CEP112: variants seen among roughly 807,000 people sequenced by gnomAD.
CEP112 encodes the protein centrosomal protein 112.
In CEP112, 127 loss-of-function variants were observed where a neutral mutation model predicts 153.0. That is an observed-to-expected ratio of 0.83 (90% CI 0.72 to 0.96). CEP112 has a LOEUF of 0.96. CEP112 is among the 40% of genes least tolerant of loss of function. The probability of loss-of-function intolerance (pLI) is 0.00; values close to 1 mark genes in which losing one functional copy is unlikely to be tolerated. For synonymous variants in CEP112, 358 were observed against 374.4 expected, an observed-to-expected ratio of 0.96 and a Z score of 0.51; for missense variants, 1,089 against 1,101.2, an observed-to-expected ratio of 0.99 and a Z score of 0.16.
At chr17:66,023,793 G>C (rs1345354855) in intron 16 of CEP112, among the ~76,000 whole-genome samples, 1 of 152,082 alleles carries the variant, frequency 6.6e-6, no homozygotes, top group Non-Finnish European at 1.5e-5. Context: ...ATGAATATTA[G>C]CCTTGAATGC....
intron 19 of CEP112, among the ~76,000 whole-genome samples, chr17:65,909,742 A>C (rs1219885209): frequency 6.6e-6 from 1 of 152,172 alleles, no homozygotes; most frequent in Non-Finnish European, 1.5e-5. Flanking sequence ...AAGAATAATA[A>C]CTTGGCCACA....
intron 20 of CEP112, among the ~76,000 whole-genome samples, chr17:65,898,677 A>G (rs2059740778): frequency 6.6e-6 from 1 of 152,154 alleles, no homozygotes; most frequent in Admixed American, 6.6e-5. Context: ...TAAATTCAAT[A>G]TATTTTTCAG....
chr17:65,776,157 T>C lies in CEP112; in HGVS notation c.2395-25433A>G, dbSNP rs552306584. Among the ~76,000 whole-genome samples, 6 of 152,342 alleles carry C rather than the reference T, an allele frequency of 3.9e-5. No individual in the cohort carries two copies. The East Asian group carries it at 1.2e-3, about 29-fold the overall frequency. ...AAAGGACCTCCCACCTCCATCTCTA[T>C]GCCACCCCAAACCCTGTACAAGATC... On this transcript the variant is annotated intron_variant, in intron 21 of 26. Coordinates refer to ENST00000535342, the MANE Select transcript of CEP112 (RefSeq NM_001199165.4).
chr17:65,708,964 T>C (rs932141902), intron 23 of CEP112, among the ~76,000 whole-genome samples: 2 of 152,084 alleles, frequency 1.3e-5, no homozygotes, highest in Non-Finnish European at 2.9e-5. Flanking sequence ...CTCCTACTTG[T>C]TATATTCTGT....
At chr17:66,007,345 A>G (rs10735143) in intron 16 of CEP112, among the ~76,000 whole-genome samples, 62,484 of 152,020 alleles carry the variant, frequency 0.41, 14,314 homozygotes, top group East Asian at 0.87. Context: ...AAGAGAAAGA[A>G]CAACTTGCCT....
At chr17:65,986,250 C>T (rs1487256912) in intron 17 of CEP112, among the ~76,000 whole-genome samples, 1 of 152,070 alleles carries the variant, frequency 6.6e-6, no homozygotes, top group Non-Finnish European at 1.5e-5. Flanking sequence ...TGGGCAGAAT[C>T]TCCAACAACT....
chr17:65,747,630 G>A (rs1253492353), intron 22 of CEP112, among the ~76,000 whole-genome samples: 2 of 152,142 alleles, frequency 1.3e-5, no homozygotes, highest in South Asian at 2.1e-4. Context: ...TGCAGTGTAT[G>A]CATCGTCTCC....
intron 20 of CEP112, among the ~76,000 whole-genome samples, chr17:65,854,945 G>A (rs1278255659): frequency 2.0e-5 from 3 of 152,072 alleles, no homozygotes; most frequent in African/African-American, 7.2e-5. Context: ...TGTTTGGGAG[G>A]CAGAACATTC....
rs1430961984 is a variant in CEP112 at position 66,033,994 on chromosome 17, A to T, written c.1219-3971T>A. On this transcript the variant is annotated intron_variant, in intron 12 of 26. Transcript: ENST00000535342. ...AAATACAATATTCACAGGATGTGAG[A>T]CCCACTTACATGAAGGGTCCGCTTT... Among the ~76,000 whole-genome samples the T allele has an allele frequency of 2.0e-5, 3 of 152,250 alleles. No homozygotes were observed. In the South Asian group the frequency reaches 6.2e-4, roughly 32 times the overall value.
At chr17:65,957,454 C>T (rs1054983710) in intron 18 of CEP112, among the ~76,000 whole-genome samples, 3 of 152,020 alleles carry the variant, frequency 2.0e-5, no homozygotes, top group Admixed American at 6.6e-5. Flanking sequence ...AAAATATATC[C>T]CTTTGTCCAG....
intron 18 of CEP112, among the ~76,000 whole-genome samples, chr17:65,944,152 G>A (rs1462547901): frequency 2.0e-5 from 3 of 152,168 alleles, no homozygotes; most frequent in Admixed American, 6.6e-5. Context: ...AATAGGAGCT[G>A]AACAAAGAGA....
At chr17:65,655,652 G>C (rs191733669) in intron 24 of CEP112, among the ~76,000 whole-genome samples, 22 of 151,894 alleles carry the variant, frequency 1.4e-4, no homozygotes, top group African/African-American at 5.3e-4. Flanking sequence ...TATATAAACT[G>C]CTAGCCACAA....
chr17:65,843,537 A>G (rs983133755), intron 21 of CEP112, among the ~76,000 whole-genome samples: 2 of 152,226 alleles, frequency 1.3e-5, no homozygotes, highest in Non-Finnish European at 2.9e-5. Context: ...TCATAAGTTA[A>G]TATTAATCCT....
At chr17:65,835,301 T>G (rs2057260101) in intron 21 of CEP112, among the ~76,000 whole-genome samples, 1 of 150,858 alleles carries the variant, frequency 6.6e-6, no homozygotes, top group Non-Finnish European at 1.5e-5. Flanking sequence ...TTTTAAAAAA[T>G]GACTGAAAAT....
At chr17:66,026,633 G>T (rs963522915) in intron 16 of CEP112, among the ~76,000 whole-genome samples, 6 of 152,142 alleles carry the variant, frequency 3.9e-5, no homozygotes, top group Non-Finnish European at 5.9e-5. Flanking sequence ...ATGGGGAATT[G>T]GTGCCAGGGC....
At chr17:66,134,325 A>T (rs1019451940) in intron 4 of CEP112, among the ~76,000 whole-genome samples, 1 of 152,152 alleles carries the variant, frequency 6.6e-6, no homozygotes, top group Non-Finnish European at 1.5e-5. Flanking sequence ...CCCTCACGAT[A>T]AATTTTCAAA....
chr17:66,032,278 G>A (rs1265422734), intron 12 of CEP112, among the ~76,000 whole-genome samples: 1 of 151,720 alleles, frequency 6.6e-6, no homozygotes, highest in Admixed American at 6.6e-5. Context: ...TGGCGTTACA[G>A]GCATGAGCCA....
At chr17:66,051,961 C>T (rs1325475726) in intron 12 of CEP112, among the ~76,000 whole-genome samples, 1 of 152,138 alleles carries the variant, frequency 6.6e-6, no homozygotes, top group African/African-American at 2.4e-5. Flanking sequence ...CTTAGCCTGG[C>T]CTATCTTAGA....
Position 65,639,273 on chromosome 17 carries a change from A to G in CEP112, c.2799+1691T>C, listed in dbSNP as rs564527625. Reference sequence around the variant, plus strand: ...AACGTGGATATCATCAAACCATATCATTTATTTTATTCATAAATATATTTA... The same window carrying G: ...AACGTGGATATCATCAAACCATATCGTTTATTTTATTCATAAATATATTTA... On this transcript the variant is annotated intron_variant, in intron 25 of 26. Transcript: ENST00000535342. Among the ~76,000 whole-genome samples, 11 of 152,322 alleles carry G rather than the reference A, an allele frequency of 7.2e-5. No homozygotes were observed. In the East Asian group the frequency reaches 2.1e-3, roughly 29 times the overall value.
Sources: allele counts gnomAD v4.1 joint callset (sites outside exome capture counted in the v4.1 genomes callset), GRCh38; gene constraint gnomAD v4.1.1; transcripts MANE v1.5; gene names NCBI Gene and HGNC (gene_info 2026-07-23, HGNC 2026-07-21).